The following STXBP5L variants were observed in gnomAD, a reference collection of about 807,000 sequenced individuals.
The protein encoded by STXBP5L is syntaxin binding protein 5L.
Under a neutral mutation model 144.5 loss-of-function variants are expected in STXBP5L, and 65 were observed. The ratio of observed to expected loss-of-function variants is 0.45; its 90% CI spans 0.37 to 0.55. The LOEUF is 0.55. Among genes scored for constraint, STXBP5L ranks in the 20% least tolerant of loss-of-function variants. The probability of loss-of-function intolerance (pLI) is 0.00; values close to 1 mark genes in which losing one functional copy is unlikely to be tolerated. For missense variants in STXBP5L, 1,298 were observed against 1,405.5 expected (o/e 0.92, Z 1.22); for synonymous variants, 505 against 469.6 (o/e 1.08, Z -0.97).
intron 3 of STXBP5L, among the ~76,000 whole-genome samples, chr3:121,007,686 C>G (rs866498519): frequency 3.9e-5 from 6 of 151,954 alleles, no homozygotes; most frequent in Admixed American, 3.3e-4. Flanking sequence ...CTGTTGTTTA[C>G]ATAGGCAGAA....
At chr3:121,146,872 CAT>C (rs1386300810) in intron 7 of STXBP5L, among the ~76,000 whole-genome samples, 29 of 152,108 alleles carry the variant, frequency 1.9e-4, no homozygotes, top group Non-Finnish European at 3.1e-4. Flanking sequence ...TTAACTAAAA[CAT>C]GTGCTTATCT....
chr3:121,119,670 C>T (rs892168797), intron 6 of STXBP5L, among the ~76,000 whole-genome samples: 3 of 151,054 alleles, frequency 2.0e-5, no homozygotes, highest in Non-Finnish European at 4.5e-5. Context: ...TTTCTCATGA[C>T]CATAAGTTTT....
chr3:121,027,666 G>A (rs1485692704), intron 3 of STXBP5L, among the ~76,000 whole-genome samples: 2 of 151,830 alleles, frequency 1.3e-5, no homozygotes, highest in Non-Finnish European at 2.9e-5. Flanking sequence ...CACTTATAAG[G>A]ACTCTTGTAG....
chr3:121,098,511 A>C (rs2043245561), intron 5 of STXBP5L, among the ~76,000 whole-genome samples: 1 of 152,208 alleles, frequency 6.6e-6, no homozygotes. Flanking sequence ...ATTAGTCATC[A>C]AGGCAGAGAG....
intron 5 of STXBP5L, among the ~76,000 whole-genome samples, chr3:121,097,821 G>C (rs922614234): frequency 1.3e-5 from 2 of 152,100 alleles, no homozygotes; most frequent in African/African-American, 4.8e-5. Context: ...ATATCAAATG[G>C]AACTAATTGA....
intron 22 of STXBP5L, among the ~76,000 whole-genome samples, chr3:121,394,423 C>T (rs190179828): frequency 5.3e-5 from 8 of 150,026 alleles, no homozygotes; most frequent in South Asian, 2.1e-4. Context: ...TTTCTCTTGC[C>T]TGATTGCTCT....
chr3:120,953,323 G>A (rs960058601), intron 2 of STXBP5L, among the ~76,000 whole-genome samples: 17 of 126,886 alleles, frequency 1.3e-4, no homozygotes, highest in African/African-American at 5.2e-4. Flanking sequence ...TCTCACAATT[G>A]ACTTTTTTTT....
At chr3:121,194,325 A>G (rs1056654475) in intron 9 of STXBP5L, among the ~76,000 whole-genome samples, 1 of 152,146 alleles carries the variant, frequency 6.6e-6, no homozygotes, top group African/African-American at 2.4e-5. Context: ...TCTTAACAAA[A>G]TTCTTTCACG....
At chr3:121,029,425 TG>T (rs1051280486) in intron 3 of STXBP5L, among the ~76,000 whole-genome samples, 30 of 152,094 alleles carry the variant, frequency 2.0e-4, no homozygotes, top group African/African-American at 6.8e-4. Context: ...AAACAAGAAA[TG>T]GGGAAAGGAT....
chr3:121,376,493 CTTT>C (rs1435511144), intron 20 of STXBP5L, among the ~76,000 whole-genome samples: 2 of 152,170 alleles, frequency 1.3e-5, no homozygotes, highest in African/African-American at 4.8e-5. Flanking sequence ...ATAGGGAATT[CTTT>C]CCCCATTGCT....
chr3:121,301,078 G>T (rs961686819), intron 19 of STXBP5L, among the ~76,000 whole-genome samples: 3 of 152,044 alleles, frequency 2.0e-5, no homozygotes, highest in African/African-American at 7.2e-5. Context: ...TTCCAATTCT[G>T]TGAAAAAAGT....
chr3:121,298,079 C>G (rs573073964), intron 19 of STXBP5L, among the ~76,000 whole-genome samples: 29 of 152,144 alleles, frequency 1.9e-4, no homozygotes, highest in African/African-American at 7.0e-4. Context: ...TCAGCTGTAC[C>G]ATTTTACATG....
chr3:121,119,270 T>A (rs191831878), intron 6 of STXBP5L, among the ~76,000 whole-genome samples: 1 of 151,568 alleles, frequency 6.6e-6, no homozygotes, highest in Non-Finnish European at 1.5e-5. Flanking sequence ...TAACTTTCCT[T>A]ATGTAGGTGG....
At chr3:121,065,733 A>T (rs565451781) in intron 5 of STXBP5L, among the ~76,000 whole-genome samples, 1 of 152,326 alleles carries the variant, frequency 6.6e-6, no homozygotes, top group Admixed American at 6.5e-5. Context: ...AGAATTAAAA[A>T]ATATATATTA....
intron 10 of STXBP5L, among the ~76,000 whole-genome samples, chr3:121,218,555 T>C (rs1213139732): frequency 6.6e-6 from 1 of 151,690 alleles, no homozygotes; most frequent in African/African-American, 2.4e-5. Context: ...AGAGATATGC[T>C]ATGGGAGCAC....
chr3:121,074,403 G>A (rs1165198037), intron 5 of STXBP5L, among the ~76,000 whole-genome samples: 1 of 152,128 alleles, frequency 6.6e-6, no homozygotes, highest in East Asian at 1.9e-4. Flanking sequence ...CGGTACCAAT[G>A]GAGTGTTCCA....
chr3:121,283,895 T>TGTGTG (rs1559934600), intron 19 of STXBP5L, among the ~76,000 whole-genome samples: 6 of 116,168 alleles, frequency 5.2e-5, no homozygotes, highest in South Asian at 2.6e-4. Context: ...GTGTGTGTGC[T>TGTGTG]TGTGTGTGTG....
At chr3:121,053,412 G>A (rs547266959) in intron 5 of STXBP5L, among the ~76,000 whole-genome samples, 35 of 152,236 alleles carry the variant, frequency 2.3e-4, no homozygotes, top group Admixed American at 1.2e-3. Context: ...CAATGGAACA[G>A]AACAGAGCCC....
chr3:120,988,270 T>C (rs1404631685), intron 3 of STXBP5L, among the ~76,000 whole-genome samples: 1 of 151,928 alleles, frequency 6.6e-6, no homozygotes, highest in African/African-American at 2.4e-5. Context: ...TTATTCTCTC[T>C]GCACTGCTTT....
Sources: gnomAD v4.1 joint callset for allele counts (sites outside exome capture counted in the v4.1 genomes callset) on GRCh38, gnomAD v4.1.1 for gene constraint, MANE v1.5 for transcripts, NCBI Gene and HGNC (gene_info 2026-07-23, HGNC 2026-07-21) for gene names.